Variants in FABP7 observed in about 807,000 individuals in gnomAD.
FABP7 encodes fatty acid-binding protein, brain.
In FABP7, 13 loss-of-function variants were observed where a neutral mutation model predicts 14.2. The ratio of observed to expected loss-of-function variants is 0.91; its 90% confidence interval spans 0.59 to 1.45. The LOEUF (loss-of-function observed/expected upper bound fraction) is 1.45, where lower values mean the gene tolerates loss of function less well. Among genes scored for constraint, FABP7 ranks in the 40% most tolerant of loss-of-function variants. The pLI, the probability that FABP7 is intolerant of heterozygous loss-of-function variation, is 0.00. For synonymous variants in FABP7, 49 were observed against 51.4 expected, an observed-to-expected ratio of 0.95 and a Z score of 0.20; for missense variants, 149 against 157.6, an observed-to-expected ratio of 0.95 and a Z score of 0.29.
At chr6:122,769,713 C>T in the FABP7 span, among the ~76,000 whole-genome samples, 27 of 152,006 alleles carry the variant, frequency 1.8e-4, no homozygotes, top group Admixed American at 1.3e-4. Flanking sequence ...TCTTGAGTCT[C>T]GAATGGAGAC....
the FABP7 span, among the ~76,000 whole-genome samples, chr6:122,773,887 A>T: frequency 0.29 from 43,487 of 149,362 alleles, 6,857 homozygotes; most frequent in Non-Finnish European, 0.37. Context: ...ACTACTTTTT[A>T]AAAAAAACAA....
At chr6:122,772,039 G>A in the FABP7 span, among the ~76,000 whole-genome samples, 12 of 152,164 alleles carry the variant, frequency 7.9e-5, no homozygotes, top group Non-Finnish European at 2.9e-5. Context: ...GATTACAAAA[G>A]TAATTGAAAT....
In FABP7 at chr6:122,783,991, C is replaced by A. The variant is rs1780859401; in HGVS notation, c.*224C>A. ...TGAATTAAAGTTTTGTCCCCCCCCC[C>A]CTTTTTTTTATAAACAAGTGAATAC... On this transcript the variant is annotated 3_prime_UTR_variant, in exon 4 of 4. Transcript: ENST00000368444. 8.4e-6 allele frequency: 3 copies of A among 357,616 alleles called. No homozygotes were observed. The highest frequency in any genetic ancestry group is 1.5e-5 in the Non-Finnish European group (3 of 203,942). The allele number at this position is 357,616 out of a possible 1,614,324, so 22.2% of individuals were successfully genotyped here.
At chr6:122,760,100 C>CA in the FABP7 span, among the ~76,000 whole-genome samples, 30,086 of 141,700 alleles carry the variant, frequency 0.21, 3,062 homozygotes, top group Middle Eastern at 0.27. Flanking sequence ...GACTCTGATT[C>CA]AAAAAAAAAA....
At chr6:122,750,217 A>G in the FABP7 span, among the ~76,000 whole-genome samples, 4 of 152,124 alleles carry the variant, frequency 2.6e-5, no homozygotes, top group Admixed American at 6.5e-5. Flanking sequence ...TAATTTTTGA[A>G]TTAGTTTACA....
the FABP7 span, among the ~76,000 whole-genome samples, chr6:122,751,992 G>T: frequency 6.6e-6 from 1 of 152,058 alleles, no homozygotes; most frequent in Non-Finnish European, 1.5e-5. Context: ...CAGGCCCATT[G>T]TTTATATCCC....
At position 122,781,888 on chromosome 6, in the gene FABP7, C is replaced by T. The variant is rs62423571; in HGVS notation, c.348+694C>T. The stretch of plus-strand genomic sequence containing the variant: ...TCCTAAGTAGCTGGGACCACAGGTG[C>T]AAGCCACCAACGCCGGGCTAATTTT... On this transcript the variant is annotated intron_variant, in intron 3 of 3. Coordinates refer to ENST00000368444, the MANE Select transcript of FABP7 (RefSeq NM_001446.5). 5.9e-3 allele frequency: 2,286 copies of T among 387,070 alleles called. 9 individuals are homozygous for T. The highest frequency in any genetic ancestry group is 7.2e-3 in the Non-Finnish European group (2,036 of 283,840). 24.0% of individuals were successfully genotyped at this position (387,070 alleles called of 1,614,324 possible).
the FABP7 span, among the ~76,000 whole-genome samples, chr6:122,770,109 C>CT: frequency 3.4e-4 from 52 of 151,846 alleles, no homozygotes; most frequent in African/African-American, 1.2e-3. Flanking sequence ...TGAGAATTAT[C>CT]TTTTTTTTAA....
In FABP7 at chr6:122,784,050, T is replaced by G; in HGVS notation, c.*283T>G. The G allele has an allele frequency of 6.8e-6, 2 of 293,114 alleles. No individual in the cohort carries two copies. The highest frequency in any genetic ancestry group is 1.2e-5 in the Non-Finnish European group (2 of 162,910). The allele number at this position is 293,114 out of a possible 1,614,324, so 18.2% of individuals were successfully genotyped here. On this transcript the variant is annotated 3_prime_UTR_variant, in exon 4 of 4. Transcript: ENST00000368444. ...ATTTCTTTTGGAATGTAAATCAAATTTGAATAAAAATCTTACACGTGAAAT... is the reference window on the plus strand; with the variant it reads ...ATTTCTTTTGGAATGTAAATCAAATGTGAATAAAAATCTTACACGTGAAAT...
chr6:122,749,348 T>C, the FABP7 span, among the ~76,000 whole-genome samples: 1 of 152,156 alleles, frequency 6.6e-6, no homozygotes. Context: ...AACAGCTTAT[T>C]TTTCTGAATT....
At chr6:122,757,267 A>G in the FABP7 span, among the ~76,000 whole-genome samples, 2 of 152,134 alleles carry the variant, frequency 1.3e-5, no homozygotes, top group South Asian at 4.1e-4. Flanking sequence ...ACAGTATGCT[A>G]AGTGGAATTA....
At chr6:122,782,400 T>C (rs1054610421) in intron 3 of FABP7, 1 of 600,256 alleles carries the variant, frequency 1.7e-6, no homozygotes, top group South Asian at 7.4e-5. Context: ...ATTGAGGTTG[T>C]TGGGCTTACA....
the FABP7 span, among the ~76,000 whole-genome samples, chr6:122,754,536 A>G: frequency 2.0e-5 from 3 of 151,970 alleles, no homozygotes; most frequent in African/African-American, 4.8e-5. Context: ...AACTTTTGTC[A>G]AAGGTTCAGG....
chr6:122,767,508 G>A, the FABP7 span, among the ~76,000 whole-genome samples: 1 of 152,022 alleles, frequency 6.6e-6, no homozygotes, highest in Non-Finnish European at 1.5e-5. Flanking sequence ...TCAATAAGTG[G>A]ATTGGAAAAA....
Position 122,781,143 on chromosome 6 carries a change from T to G in FABP7, c.297T>G (p.Asp99Glu). The G allele has an allele frequency of 1.2e-6, 2 of 1,614,002 alleles. No homozygotes were observed. Among genetic ancestry groups the G allele is most frequent in the Non-Finnish European group, 1.7e-6 (2 of 1,179,936 alleles). Residue 99 changes from aspartate (D) to glutamate (E), a missense_variant, in exon 3 of 4, where the codon GAT (aspartate) becomes GAG (glutamate). Coordinates refer to ENST00000368444, the MANE Select transcript of FABP7 (RefSeq NM_001446.5). The stretch of plus-strand genomic sequence containing the variant: ...AACTTGTTCACATACAGAAATGGGA[T>G]GGCAAAGAAACAAATTTTGTAAGAG... ...GDKLVHIQKW[D>E]GKETNFVREI...
intron 3 of FABP7, 182 bp downstream of exon 3, chr6:122,781,376 A>G: frequency 6.9e-7 from 1 of 1,454,382 alleles, no homozygotes; most frequent in Non-Finnish European, 9.1e-7. Context: ...ATCCCAGTTA[A>G]TTTTCTTCTT....
the FABP7 span, among the ~76,000 whole-genome samples, chr6:122,774,369 A>C: frequency 4.8e-4 from 36 of 75,190 alleles, no homozygotes; most frequent in African/African-American, 1.0e-3. Context: ...CAAAAAAAAA[A>C]AAAAAAAAAA....
At chr6:122,765,908 C>T in the FABP7 span, among the ~76,000 whole-genome samples, 1,000 of 152,062 alleles carry the variant, frequency 6.6e-3, 5 homozygotes, top group Non-Finnish European at 6.1e-3. Context: ...ATAATGTGGC[C>T]TCTACTACTT....
chr6:122,753,431 T>C, the FABP7 span, among the ~76,000 whole-genome samples: 1 of 152,180 alleles, frequency 6.6e-6, no homozygotes, highest in South Asian at 2.1e-4. Flanking sequence ...CTCAGTCTCA[T>C]CACTGTCTAC....
Sources: gnomAD v4.1 joint callset for allele counts (sites outside exome capture counted in the v4.1 genomes callset) on GRCh38, gnomAD v4.1.1 for gene constraint, MANE v1.5 for transcripts, NCBI Gene and HGNC (gene_info 2026-07-23, HGNC 2026-07-21) for gene names.